XRN2: variants seen among roughly 807,000 people sequenced by gnomAD.
XRN2 encodes the protein 5'-3' exoribonuclease 2, also known as DHM1-like protein.
XRN2 carries 44 observed loss-of-function variants against 138.5 expected under a neutral mutation model. That is an observed-to-expected ratio of 0.32 (90% CI 0.25 to 0.41). The LOEUF is 0.41. Among genes scored for constraint, XRN2 ranks in the 10% least tolerant of loss-of-function variants. XRN2 has a pLI of 1.00. For synonymous variants in XRN2, 354 were observed against 369.4 expected (o/e 0.96, Z 0.48); for missense variants, 937 against 1,169.3 (o/e 0.80, Z 2.90).
intron 26 of XRN2, among the ~76,000 whole-genome samples, chr20:21,366,186 ATTATAT>A (rs1434768600): frequency 1.3e-4 from 16 of 127,740 alleles, no homozygotes; most frequent in Non-Finnish European, 1.4e-4. Context: ...ATAAATATAT[ATTATAT>A]TTATAGTTTA....
chr20:21,337,482 T>A (rs1568578608), intron 13 of XRN2, among the ~76,000 whole-genome samples: 1 of 152,160 alleles, frequency 6.6e-6, no homozygotes, highest in African/African-American at 2.4e-5. Flanking sequence ...AAGTTTGAGA[T>A]AGCCAAATGG....
chr20:21,332,507 C>A (rs1237243214), intron 9 of XRN2, 67 bp downstream of exon 9: 4 of 1,403,410 alleles, frequency 2.9e-6, no homozygotes, highest in African/African-American at 2.9e-5. Context: ...ATGTATATGA[C>A]ATAAAATATC....
At chr20:21,379,240 CTG>C (rs1318775246) in intron 27 of XRN2, among the ~76,000 whole-genome samples, 2 of 152,198 alleles carry the variant, frequency 1.3e-5, no homozygotes, top group African/African-American at 2.4e-5. Flanking sequence ...GTGCAATTCA[CTG>C]TCTCAGAATT....
chr20:21,347,886 A>G (rs2038458018), intron 17 of XRN2, among the ~76,000 whole-genome samples: 1 of 152,240 alleles, frequency 6.6e-6, no homozygotes, highest in Non-Finnish European at 1.5e-5. Context: ...GTGAATATGA[A>G]GTTTGGCAGT....
chr20:21,389,250 C>G (rs1568603364), intron 29 of XRN2, 23 bp from the exon 30 acceptor site: 3 of 1,605,424 alleles, frequency 1.9e-6, no homozygotes, highest in South Asian at 2.2e-5. Context: ...AGAAAATAAA[C>G]TCTTTCTTTT....
intron 1 of XRN2, chr20:21,303,887 G>T (rs994564581): frequency 5.1e-6 from 5 of 982,902 alleles, no homozygotes; most frequent in Admixed American, 6.1e-5. Context: ...CGGATTCGGA[G>T]GCCAGCTTTT....
chr20:21,386,719 C>A, intron 28 of XRN2, 149 bp from the exon 29 acceptor site: 1 of 906,606 alleles, frequency 1.1e-6, no homozygotes, highest in Middle Eastern at 3.6e-4. Context: ...ATATAAGGGA[C>A]ACAAAGGCCA....
At chr20:21,372,096 T>A (rs1193874479) in intron 27 of XRN2, among the ~76,000 whole-genome samples, 1 of 152,120 alleles carries the variant, frequency 6.6e-6, no homozygotes, top group Non-Finnish European at 1.5e-5. Context: ...CATGAAAAAA[T>A]TGGGAGATAT....
chr20:21,317,874 C>T (rs1043807080), intron 1 of XRN2, among the ~76,000 whole-genome samples: 2 of 152,098 alleles, frequency 1.3e-5, no homozygotes, highest in Non-Finnish European at 2.9e-5. Flanking sequence ...ATTTTTGCAT[C>T]CATGCTCATA....
intron 20 of XRN2, 120 bp downstream of exon 20, chr20:21,349,581 A>G: frequency 1.2e-6 from 1 of 845,666 alleles, no homozygotes. Context: ...CATTTCTACA[A>G]AAAATACAAA....
chr20:21,348,041 A>G (rs2038459799), intron 17 of XRN2, 105 bp from the exon 18 acceptor site: 5 of 910,410 alleles, frequency 5.5e-6, no homozygotes, highest in South Asian at 4.0e-5. Flanking sequence ...CATGTGTTTT[A>G]TAAGTAGAAT....
At chr20:21,330,448 T>C (rs2038191706) in intron 4 of XRN2, 33 bp from the exon 5 acceptor site, 1 of 1,606,650 alleles carries the variant, frequency 6.2e-7, no homozygotes, top group East Asian at 2.2e-5. Flanking sequence ...TCACTTTTTA[T>C]GGGGAGAACA....
At chr20:21,309,685 A>G (rs2037852322) in intron 1 of XRN2, among the ~76,000 whole-genome samples, 2 of 152,060 alleles carry the variant, frequency 1.3e-5, no homozygotes, top group Non-Finnish European at 2.9e-5. Flanking sequence ...AGTTGTTCAT[A>G]GTATTTTCTT....
In XRN2 at chr20:21,333,983, C is replaced by T. The variant is rs1420543174; in HGVS notation, c.1114C>T (p.His372Tyr). 2 of 1,614,064 alleles carry T rather than the reference C, an allele frequency of 1.2e-6. No individual in the cohort carries two copies. The highest frequency in any genetic ancestry group is 2.2e-5 in the South Asian group (2 of 91,066). The change falls in exon 12 of 30, where the codon CAC (histidine) becomes TAC (tyrosine). Residue 372 changes from histidine (H) to tyrosine (Y), a missense_variant. Around this residue, in one of 6 missense-constraint regions of XRN2, gnomAD observed 471 missense variants for 581.2 expected, o/e 0.81. Transcript: ENST00000377191. ...RLVNIYKNVV[H>Y]KTGGYLTESG... ...GGTTAACATATACAAAAATGTGGTA[C>T]ACAAAACTGGGGTAAGTTCATTCTT...
chr20:21,377,211 T>C (rs2122345524), intron 27 of XRN2, among the ~76,000 whole-genome samples: 1 of 151,582 alleles, frequency 6.6e-6, no homozygotes, highest in Non-Finnish European at 1.5e-5. Flanking sequence ...GGAAATCTGA[T>C]ATTTTCCTAA....
At chr20:21,368,634 T>C (rs760153015) in intron 27 of XRN2, 44 bp downstream of exon 27, 9 of 1,605,612 alleles carry the variant, frequency 5.6e-6, no homozygotes, top group African/African-American at 5.4e-5. Context: ...AAATTAAATA[T>C]CACAGCAAAT....
At chr20:21,312,258 G>A (rs865955249) in intron 1 of XRN2, among the ~76,000 whole-genome samples, 8 of 151,828 alleles carry the variant, frequency 5.3e-5, no homozygotes, top group South Asian at 4.2e-4. Context: ...GACTACAGGC[G>A]CCTGCCACCA....
At chr20:21,328,937 A>G (rs1275349436) in intron 4 of XRN2, among the ~76,000 whole-genome samples, 1 of 152,222 alleles carries the variant, frequency 6.6e-6, no homozygotes, top group African/African-American at 2.4e-5. Flanking sequence ...TCTCAGGGCC[A>G]GTGCAGCTCT....
intron 1 of XRN2, chr20:21,303,815 G>T: frequency 9.3e-7 from 1 of 1,070,252 alleles, no homozygotes; most frequent in African/African-American, 1.7e-5. Flanking sequence ...CTCGGAAGAG[G>T]TTCAGAGGCT....
Sources: gnomAD v4.1 joint callset for allele counts (sites outside exome capture counted in the v4.1 genomes callset) on GRCh38, gnomAD v4.1.1 for gene constraint, gnomAD v4.1.1 regional missense constraint, MANE v1.5 for transcripts, NCBI Gene and HGNC (gene_info 2026-07-23, HGNC 2026-07-21) for gene names.